Variants in AFF1 observed in about 807,000 individuals in gnomAD.
AFF1 encodes ALF transcription elongation factor 1.
AFF1 carries 48 observed loss-of-function variants against 121.7 expected under a neutral mutation model. The observed-to-expected ratio is 0.39, with a 90% CI of 0.31 to 0.50. The LOEUF (loss-of-function observed/expected upper bound fraction) is 0.50, where lower values mean the gene tolerates loss of function less well. Ranked by LOEUF, AFF1 falls within the 20% of genes least tolerant of loss-of-function variation. The pLI, the probability that AFF1 is intolerant of heterozygous loss-of-function variation, is 0.76. For missense variants in AFF1, 1,523 were observed against 1,511.7 expected (o/e 1.01, Z -0.12); for synonymous variants, 613 against 563.0 (o/e 1.09, Z -1.26).
intron 5 of AFF1, 107 bp from the exon 6 acceptor site, chr4:87,089,877 C>A: frequency 8.1e-5 from 54 of 669,676 alleles, no homozygotes; most frequent in East Asian, 2.2e-4. Context: ...TAAGATTGTA[C>A]TTGCCATTTA....
intron 4 of AFF1, among the ~76,000 whole-genome samples, chr4:87,051,693 C>T (rs982244011): frequency 2.2e-4 from 34 of 152,032 alleles, no homozygotes; most frequent in African/African-American, 8.0e-4. Context: ...TGGTCTCAAT[C>T]TCTTGACTTC....
chr4:87,028,766 T>C (rs1437848732), intron 2 of AFF1, among the ~76,000 whole-genome samples: 1 of 152,226 alleles, frequency 6.6e-6, no homozygotes, highest in African/African-American at 2.4e-5. Flanking sequence ...GTAAAATGCA[T>C]GTGACAGAAT....
In AFF1 at chr4:86,935,135, C is replaced by T. The variant is rs1266536384; in HGVS notation, c.-142C>T. Reference sequence around the variant, plus strand: ...AGCCGAGCCCCGGGAGGAGGCGCTCCCCTGCGTCGTCCGCACTTGCGCCCT... The same window carrying T: ...AGCCGAGCCCCGGGAGGAGGCGCTCTCCTGCGTCGTCCGCACTTGCGCCCT... On this transcript the variant is annotated 5_prime_UTR_variant, in exon 1 of 21. Transcript: ENST00000395146. 1.3e-5 allele frequency: 2 copies of T among 152,276 alleles called. No individual in the cohort carries two copies. Among genetic ancestry groups the T allele is most frequent in the East Asian group, 3.8e-4 (2 of 5,198 alleles). 9.4% of individuals were successfully genotyped at this position (152,276 alleles called of 1,614,324 possible).
At chr4:87,038,896 T>G (rs1192128553) in intron 2 of AFF1, among the ~76,000 whole-genome samples, 1 of 151,968 alleles carries the variant, frequency 6.6e-6, no homozygotes, top group African/African-American at 2.4e-5. Flanking sequence ...TTCTAGAGAG[T>G]TGGTGACATG....
intron 2 of AFF1, among the ~76,000 whole-genome samples, chr4:87,034,063 G>T (rs1729321792): frequency 6.6e-6 from 1 of 152,158 alleles, no homozygotes; most frequent in Non-Finnish European, 1.5e-5. Flanking sequence ...TTTTAGATGG[G>T]GATTGAAAGG....
intron 2 of AFF1, among the ~76,000 whole-genome samples, chr4:87,022,066 G>A (rs551500066): frequency 5.3e-5 from 8 of 152,074 alleles, no homozygotes; most frequent in Admixed American, 3.9e-4. Context: ...TTAGCCAGGC[G>A]TGGTGGCGGG....
At chr4:87,109,218 C>T (rs962707448) in intron 11 of AFF1, among the ~76,000 whole-genome samples, 1 of 152,064 alleles carries the variant, frequency 6.6e-6, no homozygotes. Context: ...CATTAAAAAG[C>T]CTTCTGTATT....
intron 2 of AFF1, among the ~76,000 whole-genome samples, chr4:87,040,936 C>T (rs967137260): frequency 1.6e-5 from 2 of 124,774 alleles, no homozygotes; most frequent in African/African-American, 6.5e-5. Flanking sequence ...AGTGCAGTGG[C>T]ATGATCTCGG....
intron 2 of AFF1, among the ~76,000 whole-genome samples, chr4:86,987,218 A>G (rs1724356252): frequency 6.6e-6 from 1 of 152,208 alleles, no homozygotes; most frequent in African/African-American, 2.4e-5. Context: ...TAGCTGTTAT[A>G]TAATAGCCAC....
intron 4 of AFF1, among the ~76,000 whole-genome samples, chr4:87,053,919 C>A (rs1731504094): frequency 1.3e-5 from 2 of 152,166 alleles, no homozygotes; most frequent in Non-Finnish European, 2.9e-5. Context: ...TGAGGAAGTA[C>A]TATTTGAATG....
intron 11 of AFF1, among the ~76,000 whole-genome samples, chr4:87,111,183 ATTT>A (rs1383692920): frequency 3.6e-4 from 21 of 58,412 alleles, no homozygotes; most frequent in East Asian, 9.4e-4. Flanking sequence ...AATTTTTTGT[ATTT>A]TTTTTTTTTT....
intron 2 of AFF1, among the ~76,000 whole-genome samples, chr4:86,986,070 T>TAATTG (rs1724248207): frequency 6.6e-6 from 1 of 151,336 alleles, no homozygotes; most frequent in South Asian, 2.1e-4. Context: ...TAATTTAATT[T>TAATTG]AATTTAATTT....
chr4:87,006,930 G>T, intron 2 of AFF1: 1 of 1,014,918 alleles, frequency 9.9e-7, no homozygotes, highest in Non-Finnish European at 1.2e-6. Flanking sequence ...CCGTACCACC[G>T]CAACTTTCTT....
At chr4:86,981,235 A>G (rs1337301450) in intron 2 of AFF1, among the ~76,000 whole-genome samples, 1 of 151,986 alleles carries the variant, frequency 6.6e-6, no homozygotes, top group Non-Finnish European at 1.5e-5. Context: ...GATGGTCTCG[A>G]TCTCCTGACC....
At chr4:87,091,043 A>G (rs1013821013) in intron 6 of AFF1, among the ~76,000 whole-genome samples, 1 of 150,086 alleles carries the variant, frequency 6.7e-6, no homozygotes, top group African/African-American at 2.4e-5. Context: ...AAAAAAAAAA[A>G]AGGTTCTATC....
intron 1 of AFF1, among the ~76,000 whole-genome samples, chr4:86,944,303 C>A (rs996026831): frequency 1.3e-5 from 2 of 151,980 alleles, no homozygotes; most frequent in Non-Finnish European, 2.9e-5. Flanking sequence ...ATGTCCCCGA[C>A]GACAATCCCA....
chr4:87,131,163 A>G lies in AFF1; in HGVS notation c.3045A>G (p.Glu1015=). ...AGTGCGGAATTGCCACAGAGTCTGA[A>G]AGCCAGTCATCCAAGTCAGCTTACT... ...FIECGIATES[E]SQSSKSAYSV... is the part of the protein sequence containing the mutation. Residue 1015 remains glutamate, a synonymous_variant, in exon 17 of 21, where the codon GAA becomes GAG. Coordinates refer to ENST00000395146, the MANE Select transcript of AFF1 (RefSeq NM_001166693.3). The G allele has an allele frequency of 6.2e-7, 1 of 1,614,224 alleles. No homozygotes were observed.
intron 4 of AFF1, among the ~76,000 whole-genome samples, chr4:87,064,123 G>T (rs1280444795): frequency 6.6e-6 from 1 of 152,206 alleles, no homozygotes; most frequent in East Asian, 1.9e-4. Context: ...AAGTATATGG[G>T]GCAAGGGCTA....
intron 4 of AFF1, among the ~76,000 whole-genome samples, chr4:87,056,391 C>T (rs919321715): frequency 6.6e-6 from 1 of 152,046 alleles, no homozygotes; most frequent in Non-Finnish European, 1.5e-5. Context: ...TCTTAACAAC[C>T]CCACACTATA....
Sources: allele counts gnomAD v4.1 joint callset (sites outside exome capture counted in the v4.1 genomes callset), GRCh38; gene constraint gnomAD v4.1.1; transcripts MANE v1.5; gene names NCBI Gene and HGNC (gene_info 2026-07-23, HGNC 2026-07-21).